PALLD: variants seen among roughly 807,000 people sequenced by gnomAD.
The protein encoded by PALLD is palladin.
A neutral mutation model predicts 123.5 loss-of-function variants in PALLD; 61 were observed. That is an observed-to-expected ratio of 0.49 (90% CI 0.40 to 0.61). The LOEUF (loss-of-function observed/expected upper bound fraction) is 0.61. Ranked by LOEUF, PALLD falls within the 20% of genes least tolerant of loss-of-function variation. PALLD has a pLI of 0.00. For missense variants in PALLD, 1,273 were observed against 1,377.0 expected (o/e 0.92, Z 1.20); for synonymous variants, 465 against 496.4 (o/e 0.94, Z 0.84).
At chr4:168,837,994 G>A (rs944058054) in intron 10 of PALLD, among the ~76,000 whole-genome samples, 11 of 152,212 alleles carry the variant, frequency 7.2e-5, no homozygotes, top group African/African-American at 2.4e-4. Context: ...TGGGGTTGCA[G>A]TTCAGGCAAG....
intron 10 of PALLD, among the ~76,000 whole-genome samples, chr4:168,775,760 T>C (rs111733177): frequency 0.011 from 1,747 of 152,314 alleles, 30 homozygotes; most frequent in African/African-American, 0.039. Context: ...TGCATATGCA[T>C]TTGATTGTTC....
At chr4:168,680,023 G>T (rs1781384259) in intron 3 of PALLD, among the ~76,000 whole-genome samples, 1 of 152,130 alleles carries the variant, frequency 6.6e-6, no homozygotes. Context: ...TCACAGTAGA[G>T]TCACTGGAAG....
At chr4:168,879,918 A>T (rs1020351934) in intron 10 of PALLD, among the ~76,000 whole-genome samples, 2 of 152,038 alleles carry the variant, frequency 1.3e-5, no homozygotes, top group African/African-American at 4.8e-5. Context: ...TTATCTTGGT[A>T]CAAAGAAGCT....
intron 2 of PALLD, among the ~76,000 whole-genome samples, chr4:168,539,169 C>T (rs939435261): frequency 1.3e-5 from 2 of 152,176 alleles, no homozygotes; most frequent in African/African-American, 2.4e-5. Context: ...TCCCATTTTA[C>T]AAATAAGGAA....
At chr4:168,589,546 C>T (rs2149683426) in intron 2 of PALLD, among the ~76,000 whole-genome samples, 1 of 133,644 alleles carries the variant, frequency 7.5e-6, no homozygotes, top group East Asian at 1.9e-4. Context: ...CCAACCCCCA[C>T]CACCAAAAAC....
intron 2 of PALLD, among the ~76,000 whole-genome samples, chr4:168,615,686 G>A (rs924191988): frequency 1.3e-5 from 2 of 152,176 alleles, no homozygotes; most frequent in Non-Finnish European, 2.9e-5. Flanking sequence ...GAAAGGCGAT[G>A]TTGCTGCCTC....
chr4:168,739,949 A>C (rs756811132), intron 10 of PALLD, among the ~76,000 whole-genome samples: 1 of 152,238 alleles, frequency 6.6e-6, no homozygotes, highest in Non-Finnish European at 1.5e-5. Context: ...TTTGAAAGAT[A>C]CCATTGTTTC....
chr4:168,781,458 G>A (rs1735913975), intron 10 of PALLD, among the ~76,000 whole-genome samples: 1 of 152,240 alleles, frequency 6.6e-6, no homozygotes, highest in Non-Finnish European at 1.5e-5. Flanking sequence ...TGGTGTGGTG[G>A]AGGGGATAAC....
At chr4:168,686,559 T>C (rs1056051651) in intron 6 of PALLD, 2 of 152,344 alleles carry the variant, frequency 1.3e-5, no homozygotes, top group Non-Finnish European at 2.9e-5. Context: ...CATGAATTCA[T>C]TCTTTTTTAT....
At chr4:168,872,466 T>C (rs1013756811) in intron 10 of PALLD, among the ~76,000 whole-genome samples, 2 of 152,224 alleles carry the variant, frequency 1.3e-5, no homozygotes, top group Admixed American at 6.5e-5. Flanking sequence ...GAAACCTATG[T>C]CCTTTTGCAA....
rs70961555 is a variant in PALLD at position 168,761,645 on chromosome 4, G to GTTTTTTTTTTTTTTTTTTTTTTTTTTT, written c.1964+49727_1964+49753dup. Among the ~76,000 whole-genome samples, 250 of 87,884 alleles carry GTTTTTTTTTTTTTTTTTTTTTTTTTTT rather than the reference G, an allele frequency of 2.8e-3. 44 individuals carry two copies. The highest frequency in any genetic ancestry group is 0.019 in the Middle Eastern group (3 of 160). The allele number at this position is 87,884 out of a possible 152,430, so 57.7% of individuals were successfully genotyped here. ...CCAGCTATTTTTGTTGTTGTTGTTT[G>GTTTTTTTTTTTTTTTTTTTTTTTTTTT]TTTTTTTTTTTTTTTTTTTTTTTTT... On this transcript the variant is annotated intron_variant, in intron 10 of 21. Coordinates refer to ENST00000505667, the MANE Select transcript of PALLD (RefSeq NM_001166108.2).
At chr4:168,507,969 T>TC (rs1233616499) in intron 1 of PALLD, among the ~76,000 whole-genome samples, 1 of 152,242 alleles carries the variant, frequency 6.6e-6, no homozygotes, top group Admixed American at 6.5e-5. Flanking sequence ...CCGCTCTTCC[T>TC]CATCCCTCAC....
intron 2 of PALLD, among the ~76,000 whole-genome samples, chr4:168,606,631 T>C (rs1773201959): frequency 7.5e-6 from 1 of 132,828 alleles, no homozygotes; most frequent in Non-Finnish European, 1.5e-5. Context: ...CCCACTGCAC[T>C]CCAGCCTGGG....
In PALLD at chr4:168,877,899, C is replaced by T. The variant is rs2151115064; in HGVS notation, c.1965-13023C>T. 1.4e-6 allele frequency: 2 copies of T among 1,474,720 alleles called. No individual in the cohort carries two copies. The highest frequency in any genetic ancestry group is 3.0e-5 in the East Asian group (1 of 33,400). 91.4% of individuals were successfully genotyped at this position (1,474,720 alleles called of 1,614,324 possible). Reference sequence around the variant, plus strand: ...CCCGCGTCCCCGGAGCCCATGAGCGCGCTGGCCTCCCGCTCCGCCCCCGCC... The same window carrying T: ...CCCGCGTCCCCGGAGCCCATGAGCGTGCTGGCCTCCCGCTCCGCCCCCGCC... On this transcript the variant is annotated intron_variant, in intron 10 of 21. Transcript: ENST00000505667.
intron 2 of PALLD, among the ~76,000 whole-genome samples, chr4:168,620,972 A>G (rs1429379495): frequency 3.9e-5 from 6 of 152,276 alleles, no homozygotes; most frequent in African/African-American, 1.4e-4. Context: ...CTTGTTTAAA[A>G]TACAGAGAGC....
chr4:168,646,148 C>T (rs1443519352), intron 2 of PALLD, among the ~76,000 whole-genome samples: 1 of 152,172 alleles, frequency 6.6e-6, no homozygotes, highest in African/African-American at 2.4e-5. Context: ...ACAGCCTCTT[C>T]CTGGCTGCAG....
intron 2 of PALLD, among the ~76,000 whole-genome samples, chr4:168,581,209 A>G (rs764680276): frequency 1.6e-4 from 25 of 152,094 alleles, no homozygotes; most frequent in Non-Finnish European, 3.1e-4. Context: ...ACTACCATGA[A>G]CGTGGGAGTG....
intron 4 of PALLD, 28 bp from the exon 5 acceptor site, chr4:168,682,970 A>T: frequency 1.5e-6 from 2 of 1,316,030 alleles, no homozygotes; most frequent in Non-Finnish European, 2.2e-6. Flanking sequence ...AAATATTCTG[A>T]CTAAACACTC....
At chr4:168,882,382 G>A (rs1374895594) in intron 10 of PALLD, among the ~76,000 whole-genome samples, 2 of 152,190 alleles carry the variant, frequency 1.3e-5, no homozygotes, top group Admixed American at 6.5e-5. Flanking sequence ...CTTGATTAAA[G>A]AAAGCTGTTG....
Sources: allele counts gnomAD v4.1 joint callset (sites outside exome capture counted in the v4.1 genomes callset), GRCh38; gene constraint gnomAD v4.1.1; transcripts MANE v1.5; gene names NCBI Gene and HGNC (gene_info 2026-07-23, HGNC 2026-07-21).